Variants in TMEM139 observed in about 807,000 individuals in gnomAD.
TMEM139 encodes the protein transmembrane protein 139.
TMEM139 carries 9 observed loss-of-function variants against 15.9 expected under a neutral mutation model. The ratio of observed to expected loss-of-function variants is 0.57; its 90% CI spans 0.34 to 0.99. The LOEUF (loss-of-function observed/expected upper bound fraction) is 0.99, where lower values mean the gene tolerates loss of function less well. Among genes scored for constraint, TMEM139 ranks in the 50% least tolerant of loss-of-function variants. The pLI is 0.02. For missense variants in TMEM139, 270 were observed against 267.7 expected, an observed-to-expected ratio of 1.01 and a Z score of -0.06; for synonymous variants, 95 against 110.5, an observed-to-expected ratio of 0.86 and a Z score of 0.88.
Position 143,285,035 on chromosome 7 carries a change from G to A in TMEM139, c.-428G>A, listed in dbSNP as rs968376167. On this transcript the variant is annotated 5_prime_UTR_variant, in exon 1 of 3. Transcript: ENST00000359333. ...AGGGTCGGGAGGGTCATGGGATTGG[G>A]ACCGAGGTGTGAGGAGGGAATCTGC... 1 of 152,496 alleles carries A rather than the reference G, an allele frequency of 6.6e-6. No homozygotes were observed. Among genetic ancestry groups the A allele is most frequent in the African/African-American group, 2.4e-5 (1 of 41,456 alleles). The allele number at this position is 152,496 out of a possible 1,614,324, so 9.4% of individuals were successfully genotyped here. A position where few individuals can be genotyped will look rare whatever the true frequency, so the allele number is the denominator to read the frequency against.
chr7:143,286,634 G>A lies in TMEM139; in HGVS notation c.456G>A (p.Gln152=), dbSNP rs2116739549. The change falls in exon 3 of 3, where the codon CAG becomes CAA. Residue 152 remains glutamine, a synonymous_variant. Coordinates refer to ENST00000359333, the MANE Select transcript of TMEM139 (RefSeq NM_001282876.2). Reference sequence around the variant, plus strand: ...TGGCCTCAGAGGGGTCCATGGCCCAGGAAGGAAGCCCTGGAAGAGCTCCAA... The same window carrying A: ...TGGCCTCAGAGGGGTCCATGGCCCAAGAAGGAAGCCCTGGAAGAGCTCCAA... ...RRMASEGSMA[Q]EGSPGRAPIN... is the part of the protein sequence containing the mutation. 6.2e-7 allele frequency: 1 copy of A among 1,614,152 alleles called. No homozygotes were observed. Among genetic ancestry groups the A allele is most frequent in the East Asian group, 2.2e-5 (1 of 44,874 alleles).
rs61737873 is a variant in TMEM139 at position 143,286,642 on chromosome 7, G to A, written c.464G>A (p.Ser155Asn). 1.8e-3 allele frequency: 2,839 copies of A among 1,614,174 alleles called. 5 individuals are homozygous for A. Among genetic ancestry groups the A allele is most frequent in the Non-Finnish European group, 2.2e-3 (2,597 of 1,180,026 alleles). ...GAGGGGTCCATGGCCCAGGAAGGAA[G>A]CCCTGGAAGAGCTCCAATCAACCTT... ...ASEGSMAQEG[S>N]PGRAPINLRL... The change falls in exon 3 of 3, where the codon AGC becomes AAC. Residue 155 changes from serine to asparagine, a missense_variant. Coordinates refer to ENST00000359333, the MANE Select transcript of TMEM139 (RefSeq NM_001282876.2).
rs767360375 is a variant in TMEM139, at chr7:143,286,128, G to T, written c.171G>T (p.Arg57=). 6.2e-7 allele frequency: 1 copy of T among 1,614,084 alleles called. No homozygotes were observed. Among genetic ancestry groups the T allele is most frequent in the Non-Finnish European group, 8.5e-7 (1 of 1,180,008 alleles). The change falls in exon 2 of 3, where the codon CGG becomes CGT. Residue 57 remains arginine, a synonymous_variant. Coordinates refer to ENST00000359333, the MANE Select transcript of TMEM139 (RefSeq NM_001282876.2). ...GFFLFAYLLV[R]FLEWGLRSQL... is the part of the protein sequence containing the mutation. ...TCTTGTTTGCCTATCTCCTGGTCCG[G>T]TTTCTGGAATGGGGGCTTCGGTCCC...
Position 143,286,128 on chromosome 7 carries a change from G to A in TMEM139, c.171G>A (p.Arg57=). ...TCTTGTTTGCCTATCTCCTGGTCCGGTTTCTGGAATGGGGGCTTCGGTCCC... is the reference window on the plus strand; with the variant it reads ...TCTTGTTTGCCTATCTCCTGGTCCGATTTCTGGAATGGGGGCTTCGGTCCC... The part of the protein sequence containing the change: ...GFFLFAYLLV[R]FLEWGLRSQL... The change falls in exon 2 of 3, where the codon CGG becomes CGA. Residue 57 remains arginine, a synonymous_variant. Coordinates refer to ENST00000359333, the MANE Select transcript of TMEM139 (RefSeq NM_001282876.2). The A allele has an allele frequency of 1.9e-6, 3 of 1,614,084 alleles. No homozygotes were observed. Among genetic ancestry groups the A allele is most frequent in the Non-Finnish European group, 2.5e-6 (3 of 1,180,008 alleles).
At position 143,287,112 on chromosome 7, in the gene TMEM139, G is replaced by A; in HGVS notation, c.*283G>A. The A allele has an allele frequency of 3.1e-6, 1 of 325,572 alleles. No individual in the cohort carries two copies. The highest frequency in any genetic ancestry group is 6.8e-5 in the South Asian group (1 of 14,678). 20.2% of individuals were successfully genotyped at this position (325,572 alleles called of 1,614,324 possible). A position where few individuals can be genotyped will look rare whatever the true frequency, so the allele number is the denominator to read the frequency against. ...AGGTGATCCAGAGAAGGCGGAGAAG[G>A]AAGAAGTAACCTCTGAGTGGCGGCT... On this transcript the variant is annotated 3_prime_UTR_variant, in exon 3 of 3. Coordinates refer to ENST00000359333, the MANE Select transcript of TMEM139 (RefSeq NM_001282876.2).
At position 143,287,534 on chromosome 7, in the gene TMEM139, C is replaced by G. The variant is rs1258258046; in HGVS notation, c.*705C>G. On this transcript the variant is annotated 3_prime_UTR_variant, in exon 3 of 3. Transcript: ENST00000359333. Reference sequence around the variant, plus strand: ...GCGCTGGTGATCCCTGCTCCGCGTGCGTAGCAGTGTCTGTGCCTCTCCTGC... The same window carrying G: ...GCGCTGGTGATCCCTGCTCCGCGTGGGTAGCAGTGTCTGTGCCTCTCCTGC... 6.6e-6 allele frequency: 1 copy of G among 152,310 alleles called. No homozygotes were observed. Among genetic ancestry groups the G allele is most frequent in the African/African-American group, 2.4e-5 (1 of 41,444 alleles). The allele number at this position is 152,310 out of a possible 1,614,324, so 9.4% of individuals were successfully genotyped here. A position where few individuals can be genotyped will look rare whatever the true frequency, so the allele number is the denominator to read the frequency against.
chr7:143,286,605 C>A lies in TMEM139; in HGVS notation c.427C>A (p.Arg143=). Residue 143 remains arginine (R), a synonymous_variant, in exon 3 of 3, where the codon CGA becomes AGA. Transcript: ENST00000359333. ...GSRRAKLEQR[R]MASEGSMAQE... ...CAGGAGAGCCAAACTGGAACAGAGG[C>A]GAATGGCCTCAGAGGGGTCCATGGC... 1.9e-6 allele frequency: 3 copies of A among 1,613,876 alleles called. No homozygotes were observed. Among genetic ancestry groups the A allele is most frequent in the Non-Finnish European group, 2.5e-6 (3 of 1,179,954 alleles).
chr7:143,286,243 G>A, intron 2 of TMEM139, 41 bp downstream of exon 2: 1 of 1,608,948 alleles, frequency 6.2e-7, no homozygotes, highest in Non-Finnish European at 8.5e-7. Flanking sequence ...TACACCTTGG[G>A]CCCATCCTCC....
At chr7:143,286,272 T>C in intron 2 of TMEM139, 70 bp downstream of exon 2, 1 of 1,595,554 alleles carries the variant, frequency 6.3e-7, no homozygotes, top group Admixed American at 1.7e-5. Context: ...CTGTAGTCTC[T>C]GAGGCAGAGA....
Position 143,285,978 on chromosome 7 carries a change from G to A in TMEM139, c.21G>A (p.Leu7=). MVPMHL[L]GRLEKPLLLL... ...GGGCCATGGTGCCAATGCACTTACT[G>A]GGGAGACTGGAGAAGCCGCTTCTCC... is the stretch of plus-strand genomic sequence containing the variant. The change falls in exon 2 of 3, where the codon CTG becomes CTA. Residue 7 remains leucine, a synonymous_variant. Transcript: ENST00000359333. 6.2e-7 allele frequency: 1 copy of A among 1,614,140 alleles called. No homozygotes were observed. Among genetic ancestry groups the A allele is most frequent in the Non-Finnish European group, 8.5e-7 (1 of 1,180,012 alleles).
rs750779713 is a variant in TMEM139 at position 143,286,435 on chromosome 7, C to T, written c.257C>T (p.Ala86Val). ...TTCTCTTCCCTCAGGGACAATGAAG[C>T]CTTTGAAGTGCCAGTCTATGAAGAG... ...GPSGNARDNE[A>V]FEVPVYEEAV... is the part of the protein sequence containing the mutation. Residue 86 changes from alanine to valine, a missense_variant, in exon 3 of 3, where the codon GCC (alanine) becomes GTC (valine). By Grantham distance (64) the Ala-to-Val change is moderately conservative. Coordinates refer to ENST00000359333, the MANE Select transcript of TMEM139 (RefSeq NM_001282876.2). 2.6e-6 allele frequency: 4 copies of T among 1,528,744 alleles called. No individual in the cohort carries two copies. The highest frequency in any genetic ancestry group is 3.5e-6 in the Non-Finnish European group (4 of 1,141,898). 94.7% of individuals were successfully genotyped at this position (1,528,744 alleles called of 1,614,324 possible). A position where few individuals can be genotyped will look rare whatever the true frequency, so the allele number is the denominator to read the frequency against.
At position 143,286,798 on chromosome 7, in the gene TMEM139, T is replaced by G; in HGVS notation, c.620T>G (p.Val207Gly). ...TTTGGTCACCCTGATGATGATAGTG[T>G]TTTTTATGAGGACAACTGGGCACCC... ...VCFGHPDDDS[V>G]FYEDNWAPP Residue 207 changes from valine (V) to glycine (G), a missense_variant, in exon 3 of 3, where the codon GTT (valine) becomes GGT (glycine). Coordinates refer to ENST00000359333, the MANE Select transcript of TMEM139 (RefSeq NM_001282876.2). The G allele has an allele frequency of 1.2e-6, 2 of 1,608,688 alleles. No individual in the cohort carries two copies. The highest frequency in any genetic ancestry group is 8.5e-7 in the Non-Finnish European group (1 of 1,175,736).
rs1306813621 is a variant in TMEM139 at position 143,287,295 on chromosome 7, A to AACTCCTGAT, written c.*467_*475dup. On this transcript the variant is annotated 3_prime_UTR_variant, in exon 3 of 3. Coordinates refer to ENST00000359333, the MANE Select transcript of TMEM139 (RefSeq NM_001282876.2). ...AAATAACATTAAAATAACTGGAATGAACTCCTGATCCCAAAGCCTATTGTG... is the reference window on the plus strand; with the variant it reads ...AAATAACATTAAAATAACTGGAATGAACTCCTGATACTCCTGATCCCAAAGCCTATTGTG... 6.5e-6 allele frequency: 1 copy of AACTCCTGAT among 153,634 alleles called. No homozygotes were observed. The highest frequency in any genetic ancestry group is 1.4e-5 in the Non-Finnish European group (1 of 69,082). The allele number at this position is 153,634 out of a possible 1,614,324, so 9.5% of individuals were successfully genotyped here.
chr7:143,285,728 G>T, intron 1 of TMEM139: 1 of 584,994 alleles, frequency 1.7e-6, no homozygotes, highest in Non-Finnish European at 3.0e-6. Context: ...AGAATGGCTG[G>T]GAGTCAAAGC....
At position 143,286,105 on chromosome 7, in the gene TMEM139, T is replaced by G; in HGVS notation, c.148T>G (p.Leu50Val). The change falls in exon 2 of 3, where the codon TTG becomes GTG. Residue 50 changes from leucine to valine, a missense_variant. Physicochemically the swap from Leu to Val is conservative, Grantham distance 32. Coordinates refer to ENST00000359333, the MANE Select transcript of TMEM139 (RefSeq NM_001282876.2). ...YFFLTLGGFF[L>V]FAYLLVRFLE... ...CTTTCTCACATTGGGTGGCTTCTTC[T>G]TGTTTGCCTATCTCCTGGTCCGGTT... 2 of 1,614,170 alleles carry G rather than the reference T, an allele frequency of 1.2e-6. No homozygotes were observed. The highest frequency in any genetic ancestry group is 1.7e-6 in the Non-Finnish European group (2 of 1,180,034).
rs1801370549 is a variant in TMEM139 at position 143,287,293 on chromosome 7, T to C, written c.*464T>C. 2 of 153,654 alleles carry C rather than the reference T, an allele frequency of 1.3e-5. No homozygotes were observed. The highest frequency in any genetic ancestry group is 2.0e-4 in the South Asian group (1 of 4,888). The allele number at this position is 153,654 out of a possible 1,614,324, so 9.5% of individuals were successfully genotyped here. On this transcript the variant is annotated 3_prime_UTR_variant, in exon 3 of 3. Transcript: ENST00000359333. ...GTAAATAACATTAAAATAACTGGAA[T>C]GAACTCCTGATCCCAAAGCCTATTG...
chr7:143,285,011 G>A lies in TMEM139; in HGVS notation c.-452G>A, dbSNP rs1368558988. The A allele has an allele frequency of 6.6e-6, 1 of 152,416 alleles. No homozygotes were observed. The highest frequency in any genetic ancestry group is 1.9e-4 in the East Asian group (1 of 5,194). 9.4% of individuals were successfully genotyped at this position (152,416 alleles called of 1,614,324 possible). Reference sequence around the variant, plus strand: ...ACTTCTGAGACAGGTGTGGGTGCGAGGGTCGGGAGGGTCATGGGATTGGGA... The same window carrying A: ...ACTTCTGAGACAGGTGTGGGTGCGAAGGTCGGGAGGGTCATGGGATTGGGA... On this transcript the variant is annotated 5_prime_UTR_variant, in exon 1 of 3. Transcript: ENST00000359333.
chr7:143,286,919 T>C lies in TMEM139; in HGVS notation c.*90T>C. The C allele has an allele frequency of 1.4e-6, 2 of 1,411,160 alleles. No individual in the cohort carries two copies. The highest frequency in any genetic ancestry group is 1.9e-6 in the Non-Finnish European group (2 of 1,047,234). The allele number at this position is 1,411,160 out of a possible 1,614,324, so 87.4% of individuals were successfully genotyped here. On this transcript the variant is annotated 3_prime_UTR_variant, in exon 3 of 3. Transcript: ENST00000359333. ...GCGCCTACTATGTGTCAGAAACAAGTGTTTCTGCCTGGACATCATAAATGG... is the reference window on the plus strand; with the variant it reads ...GCGCCTACTATGTGTCAGAAACAAGCGTTTCTGCCTGGACATCATAAATGG...
chr7:143,286,896 G>T lies in TMEM139; in HGVS notation c.*67G>T. The T allele has an allele frequency of 6.7e-7, 1 of 1,484,082 alleles. No homozygotes were observed. Among genetic ancestry groups the T allele is most frequent in the Admixed American group, 2.2e-5 (1 of 45,960 alleles). The allele number at this position is 1,484,082 out of a possible 1,614,324, so 91.9% of individuals were successfully genotyped here. A position where few individuals can be genotyped will look rare whatever the true frequency, so the allele number is the denominator to read the frequency against. On this transcript the variant is annotated 3_prime_UTR_variant, in exon 3 of 3. Coordinates refer to ENST00000359333, the MANE Select transcript of TMEM139 (RefSeq NM_001282876.2). ...GTTCATTTGACTAACATTTTCCAGC[G>T]CCTACTATGTGTCAGAAACAAGTGT...
Sources: gnomAD v4.1 joint callset for allele counts on GRCh38, gnomAD v4.1.1 for gene constraint, MANE v1.5 for transcripts, NCBI Gene and HGNC (gene_info 2026-07-23, HGNC 2026-07-21) for gene names.